BRSK2: variants seen among roughly 807,000 people sequenced by gnomAD.
BRSK2 encodes serine/threonine-protein kinase BRSK2.
A neutral mutation model predicts 83.3 loss-of-function variants in BRSK2; 19 were observed. The ratio of observed to expected loss-of-function variants is 0.23; its 90% CI spans 0.16 to 0.33. The LOEUF (loss-of-function observed/expected upper bound fraction) is 0.33, where lower values mean the gene tolerates loss of function less well. Ranked by LOEUF, BRSK2 falls within the 10% of genes least tolerant of loss-of-function variation. The pLI is 1.00. For synonymous variants in BRSK2, 519 were observed against 435.4 expected (o/e 1.19, Z -2.39); for missense variants, 798 against 1,042.3 (o/e 0.77, Z 3.23).
In BRSK2 at chr11:1,450,809, GGAGGCGCCAGA is replaced by G; in HGVS notation, c.1495+17_1495+27del. ...GAAACTGCAAGGTGAGTGTCTGCCCGGAGGCGCCAGAGTGGGGCTGGGAGAGAGCAGAGGCT... is the reference window on the plus strand; with the variant it reads ...GAAACTGCAAGGTGAGTGTCTGCCCGGTGGGGCTGGGAGAGAGCAGAGGCT... On this transcript the variant is annotated intron_variant, in intron 14 of 19. Coordinates refer to ENST00000528841, the MANE Select transcript of BRSK2 (RefSeq NM_001256627.2). 1 of 1,581,892 alleles carries G rather than the reference GGAGGCGCCAGA, an allele frequency of 6.3e-7. No individual in the cohort carries two copies. Among genetic ancestry groups the G allele is most frequent in the Non-Finnish European group, 8.6e-7 (1 of 1,168,064 alleles).
At chr11:1,436,010 G>T (rs1850255602) in intron 1 of BRSK2, 30 bp from the exon 2 acceptor site, 1 of 1,569,068 alleles carries the variant, frequency 6.4e-7, no homozygotes, top group East Asian at 2.3e-5. Flanking sequence ...ACCCTGGGTG[G>T]GTCTGAGCGC....
chr11:1,410,749 C>T, intron 1 of BRSK2: 1 of 985,460 alleles, frequency 1.0e-6, no homozygotes, highest in South Asian at 4.7e-5. Context: ...CCTCCATTCT[C>T]AGGGGCTGGG....
intron 1 of BRSK2, among the ~76,000 whole-genome samples, chr11:1,394,580 A>C (rs1360722213): frequency 7.6e-5 from 3 of 39,656 alleles, no homozygotes; most frequent in African/African-American, 2.1e-4. Context: ...GAGATGGGCC[A>C]TGGAGATGGG....
At chr11:1,403,480 C>T (rs1008417813) in intron 1 of BRSK2, among the ~76,000 whole-genome samples, 2 of 152,238 alleles carry the variant, frequency 1.3e-5, no homozygotes, top group South Asian at 4.1e-4. Flanking sequence ...CCCCTCTCTG[C>T]TCCTTCCACT....
intron 1 of BRSK2, chr11:1,411,253 G>T: frequency 7.8e-7 from 1 of 1,284,774 alleles, no homozygotes; most frequent in Admixed American, 3.9e-5. Flanking sequence ...TCACAGCCTT[G>T]CTCCTGGGCC....
intron 1 of BRSK2, among the ~76,000 whole-genome samples, chr11:1,398,314 G>T (rs866986459): frequency 6.9e-4 from 105 of 152,296 alleles, no homozygotes; most frequent in African/African-American, 2.5e-3. Context: ...GAGCTGCCTG[G>T]TTGGGGCTGG....
At chr11:1,410,501 G>T in intron 1 of BRSK2, 1 of 985,494 alleles carries the variant, frequency 1.0e-6, no homozygotes, top group Non-Finnish European at 1.2e-6. Context: ...ATGGGTGCTG[G>T]GCCCGCAGAC....
intron 1 of BRSK2, among the ~76,000 whole-genome samples, chr11:1,413,461 G>C (rs1287383558): frequency 1.3e-5 from 2 of 152,192 alleles, no homozygotes; most frequent in Non-Finnish European, 2.9e-5. Context: ...GAGGGCCCTG[G>C]CAGTGGTATC....
At position 1,447,914 on chromosome 11, in the gene BRSK2, T is replaced by C. The variant is rs1590629307; in HGVS notation, c.1227-1862T>C. 2.0e-6 allele frequency: 3 copies of C among 1,528,232 alleles called. No individual in the cohort carries two copies. The East Asian group carries it at 7.0e-5, about 36-fold the overall frequency. The allele number at this position is 1,528,232 out of a possible 1,614,324, so 94.7% of individuals were successfully genotyped here. A position where few individuals can be genotyped will look rare whatever the true frequency, so the allele number is the denominator to read the frequency against. ...GCACCTCCCAGCCCCAGACACGCTG[T>C]CCTGCCTCAGGCCGGGCAGGCACAT... On this transcript the variant is annotated intron_variant, in intron 12 of 19. Transcript: ENST00000528841.
chr11:1,395,187 A>G (rs1360081637), intron 1 of BRSK2, among the ~76,000 whole-genome samples: 1 of 152,176 alleles, frequency 6.6e-6, no homozygotes, highest in Non-Finnish European at 1.5e-5. Flanking sequence ...TCAGGGCAGC[A>G]GCAGCCTGGG....
At chr11:1,458,209 C>T (rs975480598) in intron 18 of BRSK2, among the ~76,000 whole-genome samples, 3 of 152,052 alleles carry the variant, frequency 2.0e-5, no homozygotes, top group Non-Finnish European at 4.4e-5. Context: ...CTCAGTCGAG[C>T]GCTCCTGCGT....
chr11:1,396,845 T>G (rs1365073893), intron 1 of BRSK2, among the ~76,000 whole-genome samples: 2 of 152,234 alleles, frequency 1.3e-5, no homozygotes, highest in African/African-American at 4.8e-5. Flanking sequence ...GGCATCACTG[T>G]GCAGTTCTGG....
chr11:1,409,849 C>G (rs1847220267), intron 1 of BRSK2: 1 of 151,910 alleles, frequency 6.6e-6, no homozygotes, highest in African/African-American at 2.4e-5. Context: ...AGGGAAGAGC[C>G]CTGCGTGCAG....
intron 1 of BRSK2, among the ~76,000 whole-genome samples, chr11:1,433,378 G>A (rs926323534): frequency 1.3e-5 from 2 of 152,248 alleles, no homozygotes; most frequent in African/African-American, 4.8e-5. Context: ...ATCCTTTGGG[G>A]TCTCCTGAGG....
chr11:1,433,945 C>T (rs919251300), intron 1 of BRSK2, among the ~76,000 whole-genome samples: 8 of 152,250 alleles, frequency 5.3e-5, no homozygotes. Flanking sequence ...GGCCTGGGCT[C>T]ACCCAGATCC....
intron 1 of BRSK2, among the ~76,000 whole-genome samples, chr11:1,395,314 C>A (rs73407489): frequency 1.3e-5 from 2 of 152,174 alleles, no homozygotes; most frequent in Non-Finnish European, 2.9e-5. Context: ...GGGTAGCCCT[C>A]CCATCTGAAG....
chr11:1,448,362 G>A (rs923340624), intron 12 of BRSK2, among the ~76,000 whole-genome samples: 7 of 152,274 alleles, frequency 4.6e-5, no homozygotes, highest in South Asian at 2.1e-4. Context: ...GCTGCCGGTC[G>A]GGGTCCTTCT....
chr11:1,392,183 G>C (rs912804385), intron 1 of BRSK2, among the ~76,000 whole-genome samples: 3 of 152,096 alleles, frequency 2.0e-5, no homozygotes, highest in Non-Finnish European at 4.4e-5. Flanking sequence ...TGGAGTGTGT[G>C]TGCTGGGCCA....
At chr11:1,396,647 T>C (rs1349657146) in intron 1 of BRSK2, among the ~76,000 whole-genome samples, 1 of 152,224 alleles carries the variant, frequency 6.6e-6, no homozygotes, top group Non-Finnish European at 1.5e-5. Context: ...GCTTGAGGGC[T>C]TCTGTGCCTT....
Sources: allele counts gnomAD v4.1 joint callset (sites outside exome capture counted in the v4.1 genomes callset), GRCh38; gene constraint gnomAD v4.1.1; transcripts MANE v1.5; gene names NCBI Gene and HGNC (gene_info 2026-07-23, HGNC 2026-07-21).